Variants in LEF1 observed in about 807,000 individuals in gnomAD.
The protein encoded by LEF1 is lymphoid enhancer-binding factor 1.
LEF1 carries 14 observed loss-of-function variants against 51.2 expected under a neutral mutation model. That is an observed-to-expected ratio of 0.27 (90% CI 0.18 to 0.43). The LOEUF (loss-of-function observed/expected upper bound fraction) is 0.43, where lower values mean the gene tolerates loss of function less well. Ranked by LOEUF, LEF1 falls within the 20% of genes least tolerant of loss-of-function variation. The pLI is 1.00. For missense variants in LEF1, 386 were observed against 512.0 expected, an observed-to-expected ratio of 0.75 and a Z score of 2.37; for synonymous variants, 185 against 183.2, an observed-to-expected ratio of 1.01 and a Z score of -0.08.
At chr4:108,070,837 C>G in intron 8 of LEF1, 67 bp from the exon 9 acceptor site, 1 of 1,044,906 alleles carries the variant, frequency 9.6e-7, no homozygotes, top group Non-Finnish European at 1.4e-6. Flanking sequence ...TTTTATGTTT[C>G]AAAAATCAAA....
chr4:108,074,932 A>T (rs943407995), intron 8 of LEF1, among the ~76,000 whole-genome samples: 7 of 144,054 alleles, frequency 4.9e-5, no homozygotes, highest in East Asian at 3.8e-4. Flanking sequence ...GGGGCCCTTA[A>T]CTCAAAAAAG....
intron 3 of LEF1, among the ~76,000 whole-genome samples, chr4:108,099,576 A>ATATATATGTGTG (rs1740647364): frequency 1.0e-4 from 4 of 39,550 alleles, no homozygotes; most frequent in South Asian, 1.6e-3. Context: ...GTGTGTATAT[A>ATATATATGTGTG]TATATATATA....
Position 108,167,942 on chromosome 4 carries a change from G to A in LEF1, c.-175C>T, listed in dbSNP as rs1192164296. Reference sequence around the variant, plus strand: ...GGGCCGCCGGCCGGCAGCCGGAGCAGCTGCCGCGGCGCCCGAATCCCGGCG... The same window carrying A: ...GGGCCGCCGGCCGGCAGCCGGAGCAACTGCCGCGGCGCCCGAATCCCGGCG... On this transcript the variant is annotated 5_prime_UTR_variant, in exon 1 of 12. Coordinates refer to ENST00000265165, the MANE Select transcript of LEF1 (RefSeq NM_016269.5). This position sits in a 1 kb window ranked among gnomAD's most constrained non-coding sequence, Gnocchi z 5.7. The A allele has an allele frequency of 5.4e-6, 2 of 368,404 alleles. No individual in the cohort carries two copies. Among genetic ancestry groups the A allele is most frequent in the South Asian group, 1.4e-4 (1 of 7,082 alleles). The allele number at this position is 368,404 out of a possible 1,614,324, so 22.8% of individuals were successfully genotyped here. A position where few individuals can be genotyped will look rare whatever the true frequency, so the allele number is the denominator to read the frequency against.
intron 2 of LEF1, 27 bp downstream of exon 2, chr4:108,165,070 T>C (rs1387431472): frequency 6.2e-7 from 1 of 1,607,330 alleles, no homozygotes; most frequent in Non-Finnish European, 8.5e-7. Context: ...TCTGCTAAAG[T>C]CAGAAGAAGT....
At chr4:108,140,186 T>C (rs1185540866) in intron 3 of LEF1, among the ~76,000 whole-genome samples, 1 of 152,168 alleles carries the variant, frequency 6.6e-6, no homozygotes, top group East Asian at 1.9e-4. Context: ...GTCTAATTCC[T>C]ATGTGGTTAT....
rs371482539 is a variant in LEF1 at position 108,149,458 on chromosome 4, C to CAAAAAAAAAAAAAAAAAAAA, written c.414+14109_414+14110insTTTTTTTTTTTTTTTTTTTT. On this transcript the variant is annotated intron_variant, in intron 3 of 11. Coordinates refer to ENST00000265165, the MANE Select transcript of LEF1 (RefSeq NM_016269.5). ...TGGGCGACAGAGCGAGACTCCGTCT[C>CAAAAAAAAAAAAAAAAAAAA]AAAAAAAAAAAAAAAAAATAGATTA... Among the ~76,000 whole-genome samples, 72 of 60,548 alleles carry CAAAAAAAAAAAAAAAAAAAA rather than the reference C, an allele frequency of 1.2e-3. 2 individuals are homozygous for CAAAAAAAAAAAAAAAAAAAA. The highest frequency in any genetic ancestry group is 5.2e-3 in the African/African-American group (72 of 13,754). The allele number at this position is 60,548 out of a possible 152,430, so 39.7% of individuals were successfully genotyped here.
At chr4:108,157,365 G>C (rs1175977817) in intron 3 of LEF1, among the ~76,000 whole-genome samples, 2 of 152,010 alleles carry the variant, frequency 1.3e-5, no homozygotes, top group South Asian at 2.1e-4. Flanking sequence ...GCTAATTTTT[G>C]TATTTTTTAG....
chr4:108,138,071 A>G (rs1372040510), intron 3 of LEF1, among the ~76,000 whole-genome samples: 1 of 152,058 alleles, frequency 6.6e-6, no homozygotes, highest in Non-Finnish European at 1.5e-5. Flanking sequence ...CCCCAACAAA[A>G]TCTCCTATTT....
chr4:108,109,939 A>C (rs906537387), intron 3 of LEF1, among the ~76,000 whole-genome samples: 1 of 152,212 alleles, frequency 6.6e-6, no homozygotes, highest in Admixed American at 6.5e-5. Flanking sequence ...GAGAACACAG[A>C]TTTGTTTGAA....
chr4:108,151,753 C>T (rs1193201674), intron 3 of LEF1, among the ~76,000 whole-genome samples: 2 of 152,162 alleles, frequency 1.3e-5, no homozygotes, highest in African/African-American at 2.4e-5. Flanking sequence ...TAATAACTAA[C>T]GTCTAGTCCA....
At chr4:108,086,379 T>C (rs1739648127) in intron 4 of LEF1, among the ~76,000 whole-genome samples, 1 of 152,196 alleles carries the variant, frequency 6.6e-6, no homozygotes, top group Non-Finnish European at 1.5e-5. Flanking sequence ...TGAACCACAT[T>C]GTGCCCAGCA....
intron 3 of LEF1, among the ~76,000 whole-genome samples, chr4:108,126,240 G>A (rs887860721): frequency 7.2e-5 from 11 of 152,062 alleles, no homozygotes; most frequent in African/African-American, 2.7e-4. Context: ...ATTTTTATAA[G>A]TCTTTAGAAG....
Position 108,048,708 on chromosome 4 carries a change from CGCT to C in LEF1, c.*47_*49del. 1 of 1,609,804 alleles carries C rather than the reference CGCT, an allele frequency of 6.2e-7. No homozygotes were observed. The highest frequency in any genetic ancestry group is 8.5e-7 in the Non-Finnish European group (1 of 1,177,690). ...CCATCTCCAGAAGAGGTCCTGGGGT[CGCT>C]GCCTTGGCTTTGCACGTTGGGAATG... On this transcript the variant is annotated 3_prime_UTR_variant, in exon 12 of 12. Transcript: ENST00000265165.
rs1745498905 is a variant in LEF1 at position 108,167,636 on chromosome 4, G to C, written c.132C>G (p.Pro44=). Residue 44 remains proline, a synonymous_variant, in exon 1 of 12, where the codon CCC becomes CCG. Coordinates refer to ENST00000265165, the MANE Select transcript of LEF1 (RefSeq NM_016269.5). This position sits in a 1 kb window ranked among gnomAD's most constrained non-coding sequence, Gnocchi z 5.7. ...KEKIFAEISH[P]EEEGDLADIK... ...TGTCAGCTAAATCGCCTTCCTCTTC[G>C]GGATGACTGATCTCGGCGAAGATCT... 1.9e-6 allele frequency: 3 copies of C among 1,614,158 alleles called. No homozygotes were observed. Among genetic ancestry groups the C allele is most frequent in the Non-Finnish European group, 1.7e-6 (2 of 1,180,020 alleles).
In LEF1 at chr4:108,163,731, G is replaced by A. The variant is rs1266345800; in HGVS notation, c.281-30C>T. On this transcript the variant is annotated intron_variant, in intron 2 of 11. Coordinates refer to ENST00000265165, the MANE Select transcript of LEF1 (RefSeq NM_016269.5). ...GAAGATCCAAAGAACAATCAATGATGCACTGACTTCCCTTTTATATTACTG... is the reference window on the plus strand; with the variant it reads ...GAAGATCCAAAGAACAATCAATGATACACTGACTTCCCTTTTATATTACTG... 16 of 1,606,044 alleles carry A rather than the reference G, an allele frequency of 1.0e-5. No individual in the cohort carries two copies. In the East Asian group the frequency reaches 3.4e-4, roughly 34 times the overall value.
chr4:108,135,325 G>A (rs1319435287), intron 3 of LEF1, among the ~76,000 whole-genome samples: 1 of 152,182 alleles, frequency 6.6e-6, no homozygotes, highest in Non-Finnish European at 1.5e-5. Context: ...AACAAAGAAT[G>A]TAACTAGGAG....
At chr4:108,103,981 T>A (rs1159218375) in intron 3 of LEF1, among the ~76,000 whole-genome samples, 2 of 152,164 alleles carry the variant, frequency 1.3e-5, no homozygotes, top group Non-Finnish European at 2.9e-5. Flanking sequence ...GTTAACAATG[T>A]TAAAAACTGA....
At chr4:108,065,524 T>C (rs985786444) in intron 9 of LEF1, among the ~76,000 whole-genome samples, 1 of 152,196 alleles carries the variant, frequency 6.6e-6, no homozygotes, top group African/African-American at 2.4e-5. Context: ...AAGACTCCAT[T>C]ATTTTTGATG....
intron 3 of LEF1, among the ~76,000 whole-genome samples, chr4:108,092,434 T>C (rs927821853): frequency 1.3e-5 from 2 of 152,180 alleles, no homozygotes; most frequent in African/African-American, 4.8e-5. Flanking sequence ...GGATTCCAAC[T>C]TACACTGCGG....
Sources: allele counts gnomAD v4.1 joint callset (sites outside exome capture counted in the v4.1 genomes callset), GRCh38; gene constraint gnomAD v4.1.1; non-coding constraint Gnocchi (gnomAD v3.1); transcripts MANE v1.5; gene names NCBI Gene and HGNC (gene_info 2026-07-23, HGNC 2026-07-21).